Variants in GAB2 observed in about 807,000 individuals in gnomAD.
GAB2 encodes the protein GRB2 associated binding protein 2.
A neutral mutation model predicts 65.5 loss-of-function variants in GAB2; 26 were observed. That is an observed-to-expected ratio of 0.40 (90% confidence interval 0.29 to 0.55). GAB2 has a LOEUF of 0.55. GAB2 is among the 20% of genes least tolerant of loss of function. The pLI is 0.53. For synonymous variants in GAB2, 321 were observed against 329.6 expected (o/e 0.97, Z 0.28); for missense variants, 884 against 875.8 (o/e 1.01, Z -0.12).
At chr11:78,350,732 C>T (rs1856263020) in intron 1 of GAB2, among the ~76,000 whole-genome samples, 1 of 152,146 alleles carries the variant, frequency 6.6e-6, no homozygotes, top group Admixed American at 6.5e-5. Flanking sequence ...CTGACTTAGC[C>T]TGAACTGCAA....
rs557626062 is a variant in GAB2 at position 78,332,930 on chromosome 11, G to T, written c.76-52029C>A. Among the ~76,000 whole-genome samples the T allele has an allele frequency of 2.1e-3, 322 of 152,220 alleles. 1 individual carries two copies. Among genetic ancestry groups the T allele is most frequent in the Admixed American group, 6.1e-3 (93 of 15,298 alleles). On this transcript the variant is annotated intron_variant, in intron 1 of 9. Coordinates refer to ENST00000361507, the MANE Select transcript of GAB2 (RefSeq NM_080491.3). ...TTCCCCTTTGCCTTGTCTTATACCT[G>T]CAGAGCCTAATTTTGCCAAATATTT...
chr11:78,407,721 A>G (rs1325246138), intron 1 of GAB2, among the ~76,000 whole-genome samples: 1 of 140,182 alleles, frequency 7.1e-6, no homozygotes, highest in East Asian at 2.3e-4. Context: ...TTTCCGTCCC[A>G]AAAAGAAAGA....
chr11:78,280,533 C>G, intron 2 of GAB2, 68 bp downstream of exon 2: 1 of 1,264,628 alleles, frequency 7.9e-7, no homozygotes, highest in Non-Finnish European at 1.1e-6. Context: ...AGCCTGCTCT[C>G]AATGCTCCAG....
At chr11:78,274,144 G>A (rs762033034) in intron 2 of GAB2, among the ~76,000 whole-genome samples, 3 of 152,136 alleles carry the variant, frequency 2.0e-5, no homozygotes, top group Non-Finnish European at 1.5e-5. Flanking sequence ...GTGTAGTGGT[G>A]CACACCTGTA....
intron 1 of GAB2, among the ~76,000 whole-genome samples, chr11:78,414,774 G>A (rs1591099547): frequency 6.6e-6 from 1 of 152,142 alleles, no homozygotes; most frequent in Admixed American, 6.5e-5. Flanking sequence ...AAAGGCTGAT[G>A]AAAAAAATCC....
At chr11:78,304,104 G>T (rs1190122534) in intron 1 of GAB2, among the ~76,000 whole-genome samples, 6 of 151,778 alleles carry the variant, frequency 4.0e-5, no homozygotes, top group Non-Finnish European at 8.8e-5. Flanking sequence ...CTTTCTTCTT[G>T]TGTCAGTTTT....
At chr11:78,358,439 T>TATTATA (rs552140820) in intron 1 of GAB2, among the ~76,000 whole-genome samples, 1 of 117,314 alleles carries the variant, frequency 8.5e-6, no homozygotes, top group African/African-American at 3.3e-5. Flanking sequence ...GAACTTAAAA[T>TATTATA]ATAATAATAA....
At chr11:78,259,288 A>G (rs768311557) in intron 2 of GAB2, among the ~76,000 whole-genome samples, 8 of 152,232 alleles carry the variant, frequency 5.3e-5, no homozygotes, top group Non-Finnish European at 1.2e-4. Flanking sequence ...AATACTCAAT[A>G]AATGGCTGTT....
chr11:78,272,865 C>G (rs1472720820), intron 2 of GAB2, among the ~76,000 whole-genome samples: 2 of 151,950 alleles, frequency 1.3e-5, no homozygotes, highest in Non-Finnish European at 2.9e-5. Context: ...CTGTATGCAG[C>G]CTGGGGACTT....
chr11:78,295,035 A>G (rs1866789024), intron 1 of GAB2, among the ~76,000 whole-genome samples: 1 of 152,206 alleles, frequency 6.6e-6, no homozygotes, highest in Admixed American at 6.5e-5. Flanking sequence ...ACTCAAACAA[A>G]TTTACAAGAA....
intron 3 of GAB2, among the ~76,000 whole-genome samples, chr11:78,246,183 C>T (rs755550146): frequency 3.3e-5 from 5 of 151,736 alleles, no homozygotes; most frequent in Non-Finnish European, 5.9e-5. Flanking sequence ...TCACCTGCCT[C>T]GGGCTCCCAA....
At chr11:78,270,454 T>G (rs112073173) in intron 2 of GAB2, among the ~76,000 whole-genome samples, 5,397 of 152,074 alleles carry the variant, frequency 0.035, 291 homozygotes, top group African/African-American at 0.12. Flanking sequence ...TCTGTGACAA[T>G]GGGTTGGGAA....
chr11:78,241,167 G>C lies in GAB2; in HGVS notation c.620+8990C>G, dbSNP rs1182447059. On this transcript the variant is annotated intron_variant, in intron 3 of 9. Transcript: ENST00000361507. ...CTGCTGCACAAACTTCTATAGTCTA[G>C]GCCACTGAGGCACTCCCAGTTATTG... 2.0e-5 allele frequency among the ~76,000 whole-genome samples: 3 copies of C among 152,208 alleles called. No individual in the cohort carries two copies. The East Asian group carries it at 5.8e-4, about 29-fold the overall frequency.
chr11:78,368,940 T>A lies in GAB2; in HGVS notation c.75+48706A>T, dbSNP rs554949806. Among the ~76,000 whole-genome samples the A allele has an allele frequency of 2.0e-4, 31 of 151,940 alleles. No individual in the cohort carries two copies. In the East Asian group the frequency reaches 2.1e-3, roughly 10 times the overall value. The stretch of plus-strand genomic sequence containing the variant: ...AACAAATTTTTTAAAAATTAAAAAA[T>A]TTTTTAATTTGTTTAAAATTAATAA... On this transcript the variant is annotated intron_variant, in intron 1 of 9. Transcript: ENST00000361507.
In GAB2 at chr11:78,293,543, G is replaced by C. The variant is rs867803732; in HGVS notation, c.76-12642C>G. ...CACCATAAACACAAAAGATCACCTA[G>C]AATCCTTTATATAAAGCTGACTCCA... On this transcript the variant is annotated intron_variant, in intron 1 of 9. Transcript: ENST00000361507. Among the ~76,000 whole-genome samples the C allele has an allele frequency of 8.5e-5, 13 of 152,256 alleles. No homozygotes were observed. In the South Asian group the frequency reaches 2.7e-3, roughly 32 times the overall value.
chr11:78,216,455 T>C lies in GAB2; in HGVS notation c.*2817A>G, dbSNP rs1029755862. On this transcript the variant is annotated 3_prime_UTR_variant, in exon 10 of 10. Coordinates refer to ENST00000361507, the MANE Select transcript of GAB2 (RefSeq NM_080491.3). Reference sequence around the variant, plus strand: ...AGGTAGTGGGTGGAGGGTGGGGATATGCTAGATACGGCTGGTAGTTTGGGG... The same window carrying C: ...AGGTAGTGGGTGGAGGGTGGGGATACGCTAGATACGGCTGGTAGTTTGGGG... 2 of 152,184 alleles carry C rather than the reference T, an allele frequency of 1.3e-5. No individual in the cohort carries two copies. The highest frequency in any genetic ancestry group is 6.5e-5 in the Admixed American group (1 of 15,278). The allele number at this position is 152,184 out of a possible 1,614,324, so 9.4% of individuals were successfully genotyped here.
intron 1 of GAB2, among the ~76,000 whole-genome samples, chr11:78,393,851 A>C (rs1856862760): frequency 6.6e-6 from 1 of 152,228 alleles, no homozygotes; most frequent in Non-Finnish European, 1.5e-5. Flanking sequence ...TAGTTATGTA[A>C]GAGAATGTTG....
At chr11:78,310,281 T>G (rs1855468961) in intron 1 of GAB2, among the ~76,000 whole-genome samples, 2 of 147,668 alleles carry the variant, frequency 1.4e-5, no homozygotes, top group African/African-American at 5.0e-5. Context: ...GGCGGTTGGA[T>G]AACGAGGTCA....
At chr11:78,338,974 G>A (rs551477610) in intron 1 of GAB2, among the ~76,000 whole-genome samples, 10 of 152,212 alleles carry the variant, frequency 6.6e-5, no homozygotes, top group Non-Finnish European at 1.3e-4. Flanking sequence ...CCAGGCTGGA[G>A]TGCAGTGGCG....
Sources: allele counts gnomAD v4.1 joint callset (sites outside exome capture counted in the v4.1 genomes callset), GRCh38; gene constraint gnomAD v4.1.1; transcripts MANE v1.5; gene names NCBI Gene and HGNC (gene_info 2026-07-23, HGNC 2026-07-21).